The following PCBD2 variants were observed in gnomAD, a reference collection of about 807,000 sequenced individuals.
The protein encoded by PCBD2 is pterin-4-alpha-carbinolamine dehydratase 2.
Under a neutral mutation model 16.4 loss-of-function variants are expected in PCBD2, and 12 were observed. The ratio of observed to expected loss-of-function variants is 0.73; its 90% CI spans 0.47 to 1.19. The LOEUF (loss-of-function observed/expected upper bound fraction) is 1.19, where lower values mean the gene tolerates loss of function less well. Ranked by LOEUF, PCBD2 falls within the 50% of genes most tolerant of loss-of-function variation. The pLI is 0.00. For missense variants in PCBD2, 138 were observed against 156.8 expected, an observed-to-expected ratio of 0.88 and a Z score of 0.64; for synonymous variants, 58 against 61.8, an observed-to-expected ratio of 0.94 and a Z score of 0.29.
chr5:134,949,919 C>G lies in PCBD2; in HGVS notation c.217-9121C>G, dbSNP rs149743631. 2.1e-3 allele frequency among the ~76,000 whole-genome samples: 313 copies of G among 152,336 alleles called. 1 individual carries two copies. Among genetic ancestry groups the G allele is most frequent in the African/African-American group, 7.1e-3 (294 of 41,568 alleles). On this transcript the variant is annotated intron_variant, in intron 2 of 3. Transcript: ENST00000254908. ...AATTAAAGTTGAAGAAGTGCAGACT[C>G]TAGCTGAAATTAAGGTAGGTTGTGT...
intron 2 of PCBD2, among the ~76,000 whole-genome samples, chr5:134,950,094 C>T (rs1751341906): frequency 6.6e-6 from 1 of 152,168 alleles, no homozygotes; most frequent in South Asian, 2.1e-4. Flanking sequence ...ACATAAATAT[C>T]ATTTCCTTCC....
At chr5:134,924,099 G>A (rs750906830) in intron 2 of PCBD2, 16 of 397,566 alleles carry the variant, frequency 4.0e-5, no homozygotes, top group South Asian at 1.3e-4. Flanking sequence ...ATCATTGGTC[G>A]TGGTTGTAGC....
intron 2 of PCBD2, among the ~76,000 whole-genome samples, chr5:134,916,560 A>G (rs1434163403): frequency 1.3e-5 from 2 of 152,210 alleles, no homozygotes; most frequent in African/African-American, 4.8e-5. Flanking sequence ...TGAAAAACCT[A>G]TTTCTTGAAG....
chr5:134,926,587 C>T, intron 2 of PCBD2: 1 of 395,982 alleles, frequency 2.5e-6, no homozygotes, highest in South Asian at 1.3e-4. Flanking sequence ...TATGCGCTTT[C>T]TCGGTAAATA....
intron 2 of PCBD2, among the ~76,000 whole-genome samples, chr5:134,916,703 A>T (rs1750838215): frequency 6.6e-6 from 1 of 152,250 alleles, no homozygotes; most frequent in Non-Finnish European, 1.5e-5. Context: ...GCTCAGATGG[A>T]TACAAATACT....
chr5:134,930,431 C>T (rs192965078), intron 2 of PCBD2, among the ~76,000 whole-genome samples: 2 of 152,150 alleles, frequency 1.3e-5, no homozygotes, highest in East Asian at 1.9e-4. Context: ...TTTTCCTCTC[C>T]CTCATCTCCT....
At chr5:134,953,234 G>T (rs1580894262) in intron 2 of PCBD2, among the ~76,000 whole-genome samples, 1 of 151,512 alleles carries the variant, frequency 6.6e-6, no homozygotes, top group Non-Finnish European at 1.5e-5. Context: ...TTATGATATG[G>T]ACTGTGTTTT....
chr5:134,912,343 C>T (rs552291475), intron 2 of PCBD2, among the ~76,000 whole-genome samples: 103 of 152,302 alleles, frequency 6.8e-4, no homozygotes, highest in African/African-American at 2.3e-3. Context: ...TGACAGTTGT[C>T]AGTGCCCTCC....
chr5:134,907,746 CTGAGTAG>C (rs1449683608), intron 1 of PCBD2, among the ~76,000 whole-genome samples: 2 of 150,562 alleles, frequency 1.3e-5, no homozygotes, highest in Non-Finnish European at 3.0e-5. Context: ...CCTCAGCCTC[CTGAGTAG>C]CAGGGACTAC....
At position 134,961,574 on chromosome 5, in the gene PCBD2, G is replaced by A. The variant is rs766802462; in HGVS notation, c.*893G>A. ...GTTGGGATCACAGGCATGAGCCACC[G>A]CGCTTGGCCAGAAGTGGCATTCTTA... On this transcript the variant is annotated 3_prime_UTR_variant, in exon 4 of 4. Transcript: ENST00000254908. 4.6e-5 allele frequency among the ~76,000 whole-genome samples: 7 copies of A among 152,086 alleles called. No individual in the cohort carries two copies. The highest frequency in any genetic ancestry group is 8.8e-5 in the Non-Finnish European group (6 of 68,012).
chr5:134,926,817 G>C, intron 2 of PCBD2: 3 of 398,122 alleles, frequency 7.5e-6, no homozygotes, highest in Non-Finnish European at 4.4e-6. Context: ...TATGTAGAGG[G>C]AGTATAGGGC....
At chr5:134,958,890 C>T in intron 2 of PCBD2, 150 bp from the exon 3 acceptor site, 1 of 608,918 alleles carries the variant, frequency 1.6e-6, no homozygotes, top group Non-Finnish European at 2.9e-6. Flanking sequence ...ACCCCAGAGG[C>T]CTGCAGAGAG....
At chr5:134,925,334 C>T (rs1454999984) in intron 2 of PCBD2, 3 of 398,138 alleles carry the variant, frequency 7.5e-6, no homozygotes, top group African/African-American at 6.2e-5. Context: ...GCTAGGTTGC[C>T]AATGGTGAGG....
rs1193876852 is a variant in PCBD2 at position 134,910,423 on chromosome 5, G to T, written c.173G>T (p.Arg58Ile). 3.7e-6 allele frequency: 6 copies of T among 1,614,020 alleles called. No homozygotes were observed. Among genetic ancestry groups the T allele is most frequent in the Non-Finnish European group, 5.1e-6 (6 of 1,179,954 alleles). The change falls in exon 2 of 4, where the codon AGA (arginine) becomes ATA (isoleucine). Residue 58 changes from arginine (R) to isoleucine (I), a missense_variant. Physicochemically the swap from Arg to Ile is moderately conservative, Grantham distance 97. Transcript: ENST00000254908. ...KAAGWSELSE[R>I]DAIYKEFSFH... ...GCAGGATGGTCGGAATTAAGTGAGA[G>T]AGATGCCATCTACAAAGAATTCTCC...
intron 2 of PCBD2, 84 bp from the exon 3 acceptor site, chr5:134,958,956 A>G (rs1751443259): frequency 1.9e-6 from 2 of 1,032,590 alleles, no homozygotes; most frequent in Non-Finnish European, 2.9e-6. Context: ...GCCTGCCTTT[A>G]TGTGGTTGGA....
chr5:134,910,656 C>T (rs1331425498), intron 2 of PCBD2, among the ~76,000 whole-genome samples, 190 bp downstream of exon 2: 1 of 152,122 alleles, frequency 6.6e-6, no homozygotes, highest in Non-Finnish European at 1.5e-5. Context: ...GTGTTTAGCT[C>T]TGGGGGAAGA....
At chr5:134,925,944 G>C (rs1480798793) in intron 2 of PCBD2, 1 of 390,654 alleles carries the variant, frequency 2.6e-6, no homozygotes, top group Non-Finnish European at 4.5e-6. Flanking sequence ...GGTTGTATAG[G>C]ATTGCTTGAA....
At chr5:134,953,907 C>T (rs1438743772) in intron 2 of PCBD2, among the ~76,000 whole-genome samples, 1 of 152,104 alleles carries the variant, frequency 6.6e-6, no homozygotes, top group African/African-American at 2.4e-5. Flanking sequence ...ACTTTTTGTT[C>T]ACTGTTTAAT....
At chr5:134,940,612 A>T in intron 2 of PCBD2, among the ~76,000 whole-genome samples, 1 of 152,130 alleles carries the variant, frequency 6.6e-6, no homozygotes, top group East Asian at 1.9e-4. Context: ...AACTCTTTAA[A>T]TATCATAATT....
Sources: allele counts gnomAD v4.1 joint callset (sites outside exome capture counted in the v4.1 genomes callset), GRCh38; gene constraint gnomAD v4.1.1; transcripts MANE v1.5; gene names NCBI Gene and HGNC (gene_info 2026-07-23, HGNC 2026-07-21).